The following CUX2 variants were observed in gnomAD, a reference collection of about 807,000 sequenced individuals.
CUX2 encodes the protein homeobox protein cut-like 2.
Under a neutral mutation model 144.8 loss-of-function variants are expected in CUX2, and 40 were observed. The observed-to-expected ratio is 0.28, with a 90% CI of 0.21 to 0.36. CUX2 has a LOEUF of 0.36. Ranked by LOEUF, CUX2 falls within the 10% of genes least tolerant of loss-of-function variation. The pLI is 1.00. For synonymous variants in CUX2, 827 were observed against 875.6 expected (o/e 0.94, Z 0.98); for missense variants, 1,615 against 1,994.0 (o/e 0.81, Z 3.62).
Position 111,338,425 on chromosome 12 carries a change from C to T in CUX2, c.3336C>T (p.Asp1112=). The change falls in exon 20 of 22, where the codon GAC becomes GAT. Residue 1112 remains aspartate (D), a synonymous_variant. Coordinates refer to ENST00000261726, the MANE Select transcript of CUX2 (RefSeq NM_015267.4). ...PFVRMQLWLN[D]PHNVEKLRDM... ...TCCGCATGCAGCTGTGGCTCAATGA[C>T]CCCCATAACGTGGAGAAGCTGAGGG... 1 of 1,613,976 alleles carries T rather than the reference C, an allele frequency of 6.2e-7. No individual in the cohort carries two copies. Among genetic ancestry groups the T allele is most frequent in the Non-Finnish European group, 8.5e-7 (1 of 1,179,950 alleles).
intron 3 of CUX2, among the ~76,000 whole-genome samples, chr12:111,223,631 G>C (rs1447696970): frequency 6.6e-6 from 1 of 152,198 alleles, no homozygotes; most frequent in Non-Finnish European, 1.5e-5. Context: ...ACCCTGCATG[G>C]AGAGGTTCTG....
Position 111,322,584 on chromosome 12 carries a change from A to C in CUX2, c.2926+4A>C. ...CAGCAGCCTGGTGCCTCCCAGGGTG[A>C]GTGCGGGCAGGAGCATCTCAGGGGG... On this transcript the variant is annotated splice_donor_region_variant and intron_variant, in intron 18 of 21. Coordinates refer to ENST00000261726, the MANE Select transcript of CUX2 (RefSeq NM_015267.4). The surrounding 1 kb of genome is among the most constrained non-coding windows in gnomAD (Gnocchi z 4.2). 6.2e-7 allele frequency: 1 copy of C among 1,606,330 alleles called. No homozygotes were observed. The highest frequency in any genetic ancestry group is 8.5e-7 in the Non-Finnish European group (1 of 1,179,534).
chr12:111,149,438 G>T (rs1188067533), intron 1 of CUX2, among the ~76,000 whole-genome samples: 1 of 152,122 alleles, frequency 6.6e-6, no homozygotes, highest in Non-Finnish European at 1.5e-5. Context: ...TGTTGTGGGG[G>T]GTTGCCTGTA....
chr12:111,134,111 G>A (rs1038498735), intron 1 of CUX2, among the ~76,000 whole-genome samples: 4 of 152,220 alleles, frequency 2.6e-5, no homozygotes, highest in Non-Finnish European at 4.4e-5. Flanking sequence ...CTCAGGGCAT[G>A]CATGGAAGCT....
chr12:111,245,635 T>C (rs994427279), intron 3 of CUX2, among the ~76,000 whole-genome samples: 2 of 152,100 alleles, frequency 1.3e-5, no homozygotes, highest in Non-Finnish European at 2.9e-5. Flanking sequence ...AAAATGATGC[T>C]GCTGGTATTC....
At chr12:111,165,313 A>T (rs1592792749) in intron 1 of CUX2, among the ~76,000 whole-genome samples, 2 of 152,152 alleles carry the variant, frequency 1.3e-5, no homozygotes, top group African/African-American at 4.8e-5. Context: ...GGCCATGGTG[A>T]CCCACATGGC....
At chr12:111,261,719 G>A (rs894995962) in intron 3 of CUX2, among the ~76,000 whole-genome samples, 1 of 152,048 alleles carries the variant, frequency 6.6e-6, no homozygotes, top group African/African-American at 2.4e-5. Flanking sequence ...TGGCCAACAT[G>A]GCGAAACCTC....
intron 1 of CUX2, among the ~76,000 whole-genome samples, chr12:111,197,512 G>A (rs1018937018): frequency 4.6e-5 from 7 of 152,200 alleles, no homozygotes; most frequent in East Asian, 1.9e-4. Context: ...GAATAAATGC[G>A]TACATGCTAC....
Position 111,310,426 on chromosome 12 carries a change from A to T in CUX2, c.1644A>T (p.Ala548=). 1 of 1,612,032 alleles carries T rather than the reference A, an allele frequency of 6.2e-7. No individual in the cohort carries two copies. The highest frequency in any genetic ancestry group is 8.5e-7 in the Non-Finnish European group (1 of 1,179,582). The change falls in exon 15 of 22, where the codon GCA becomes GCT. Residue 548 remains alanine, a synonymous_variant. Coordinates refer to ENST00000261726, the MANE Select transcript of CUX2 (RefSeq NM_015267.4). This position sits in a 1 kb window ranked among gnomAD's most constrained non-coding sequence, Gnocchi z 7.9. ...GGGGGAAGPG[A]EEEQLDTAEI... ...GGGGCGGAGCGGCGGGGCCCGGGGC[A>T]GAGGAGGAGCAGCTGGACACGGCAG...
intron 18 of CUX2, among the ~76,000 whole-genome samples, chr12:111,331,429 C>T (rs1888116901): frequency 1.3e-5 from 2 of 152,096 alleles, no homozygotes; most frequent in African/African-American, 4.8e-5. Context: ...GTGGCCAGTG[C>T]TGGGATTCCT....
Position 111,263,886 on chromosome 12 carries a change from T to G in CUX2, c.301+47T>G. On this transcript the variant is annotated intron_variant, in intron 4 of 21. Coordinates refer to ENST00000261726, the MANE Select transcript of CUX2 (RefSeq NM_015267.4). The surrounding 1 kb of genome is among the most constrained non-coding windows in gnomAD (Gnocchi z 4.0). ...TAATTGAATAGTTAACGACAATAAATAGCCATTAGGACTGTGACACAGGGA... is the reference window on the plus strand; with the variant it reads ...TAATTGAATAGTTAACGACAATAAAGAGCCATTAGGACTGTGACACAGGGA... 6.5e-7 allele frequency: 1 copy of G among 1,529,662 alleles called. No individual in the cohort carries two copies. The highest frequency in any genetic ancestry group is 2.3e-5 in the East Asian group (1 of 44,442). 94.8% of individuals were successfully genotyped at this position (1,529,662 alleles called of 1,614,324 possible).
intron 1 of CUX2, 47 bp from the exon 2 acceptor site, chr12:111,214,153 T>G: frequency 8.2e-7 from 1 of 1,224,714 alleles, no homozygotes; most frequent in Non-Finnish European, 1.1e-6. Flanking sequence ...AAGAAAAATC[T>G]TTTTCTTTTC....
intron 1 of CUX2, among the ~76,000 whole-genome samples, chr12:111,069,763 T>C (rs1871184603): frequency 6.6e-6 from 1 of 152,130 alleles, no homozygotes; most frequent in Admixed American, 6.5e-5. Context: ...CCCACTGTCA[T>C]GATCTCATTT....
chr12:111,040,300 G>GA (rs949959050), intron 1 of CUX2, among the ~76,000 whole-genome samples: 3 of 151,130 alleles, frequency 2.0e-5, no homozygotes, highest in Non-Finnish European at 3.0e-5. Context: ...AAAAAAAACG[G>GA]AAAAAAATAT....
chr12:111,138,769 T>C (rs1365930302), intron 1 of CUX2, among the ~76,000 whole-genome samples: 2 of 152,022 alleles, frequency 1.3e-5, no homozygotes. Flanking sequence ...CATCCCACCC[T>C]AGGGGCAGCC....
intron 1 of CUX2, among the ~76,000 whole-genome samples, chr12:111,078,659 G>A (rs888787448): frequency 3.9e-5 from 6 of 152,132 alleles, no homozygotes; most frequent in African/African-American, 1.4e-4. Flanking sequence ...GACCGAGAAA[G>A]ATCCTGTCTC....
chr12:111,161,398 G>GTC (rs35448800), intron 1 of CUX2, among the ~76,000 whole-genome samples: 45,935 of 151,968 alleles, frequency 0.3, 9,932 homozygotes, highest in African/African-American at 0.6. Context: ...GCTTCCCAGA[G>GTC]TGGTTCATGT....
intron 4 of CUX2, among the ~76,000 whole-genome samples, chr12:111,282,151 C>T (rs956874358): frequency 2.0e-5 from 3 of 152,018 alleles, no homozygotes; most frequent in Non-Finnish European, 2.9e-5. Context: ...GAAACCCCGT[C>T]TCTACTAAAA....
chr12:111,141,943 G>A (rs369871452), intron 1 of CUX2, among the ~76,000 whole-genome samples: 219 of 152,300 alleles, frequency 1.4e-3, no homozygotes, highest in African/African-American at 5.1e-3. Context: ...AATTAGCAGG[G>A]CATGGTGGTG....
Sources: gnomAD v4.1 joint callset for allele counts (sites outside exome capture counted in the v4.1 genomes callset) on GRCh38, gnomAD v4.1.1 for gene constraint, Gnocchi (gnomAD v3.1) non-coding constraint, MANE v1.5 for transcripts, NCBI Gene and HGNC (gene_info 2026-07-23, HGNC 2026-07-21) for gene names.